The following LRBA variants were observed in gnomAD, a reference collection of about 807,000 sequenced individuals.
LRBA encodes lipopolysaccharide-responsive and beige-like anchor protein.
LRBA carries 176 observed loss-of-function variants against 330.0 expected under a neutral mutation model. That is an observed-to-expected ratio of 0.53 (90% CI 0.47 to 0.60). The LOEUF is 0.60. Ranked by LOEUF, LRBA falls within the 20% of genes least tolerant of loss-of-function variation. LRBA has a pLI of 0.00. For synonymous variants in LRBA, 1,230 were observed against 1,193.0 expected, an observed-to-expected ratio of 1.03 and a Z score of -0.64; for missense variants, 3,259 against 3,444.8, an observed-to-expected ratio of 0.95 and a Z score of 1.35.
chr4:150,494,003 A>C (rs1222905496), intron 40 of LRBA, among the ~76,000 whole-genome samples: 1 of 152,100 alleles, frequency 6.6e-6, no homozygotes, highest in Non-Finnish European at 1.5e-5. Flanking sequence ...AACATCACTC[A>C]AGCCCAGGAA....
At chr4:150,607,264 G>C (rs1481023720) in intron 37 of LRBA, among the ~76,000 whole-genome samples, 1 of 152,162 alleles carries the variant, frequency 6.6e-6, no homozygotes, top group East Asian at 1.9e-4. Context: ...AGGCTTGTAT[G>C]CTACACGGCA....
chr4:150,872,846 C>A (rs542497502), intron 17 of LRBA, 91 bp from the exon 18 acceptor site: 4 of 552,168 alleles, frequency 7.2e-6, no homozygotes, highest in Non-Finnish European at 1.2e-5. Flanking sequence ...TATTATAAAT[C>A]TATTTCAAAT....
At chr4:150,872,584 G>C (rs1242285670) in intron 18 of LRBA, 79 bp downstream of exon 18, 7 of 936,900 alleles carry the variant, frequency 7.5e-6, no homozygotes, top group Non-Finnish European at 1.2e-5. Context: ...GAGGACTATA[G>C]AACAAAATTA....
At chr4:150,559,716 TAG>T (rs1452991169) in intron 40 of LRBA, among the ~76,000 whole-genome samples, 53 of 90,150 alleles carry the variant, frequency 5.9e-4, no homozygotes, top group Non-Finnish European at 9.4e-4. Context: ...TATAATATTA[TAG>T]ATTATATAAT....
At chr4:150,805,536 AAGGGAG>A (rs1486239576) in intron 33 of LRBA, among the ~76,000 whole-genome samples, 2 of 124,596 alleles carry the variant, frequency 1.6e-5, no homozygotes, top group African/African-American at 3.4e-5. Context: ...AAAGGAAAGG[AAGGGAG>A]AAGGAAAGGA....
chr4:150,559,070 A>G (rs1767708252), intron 40 of LRBA, among the ~76,000 whole-genome samples: 2 of 152,210 alleles, frequency 1.3e-5, no homozygotes, highest in South Asian at 4.1e-4. Flanking sequence ...ACATAGTATA[A>G]CAACTAGACG....
chr4:150,622,002 T>C (rs550437819), intron 37 of LRBA, among the ~76,000 whole-genome samples: 6 of 152,260 alleles, frequency 3.9e-5, no homozygotes, highest in Admixed American at 1.3e-4. Flanking sequence ...ATACTAGAGA[T>C]GAAGAAGTAA....
chr4:150,878,398 T>C (rs1032604529), intron 17 of LRBA, among the ~76,000 whole-genome samples: 3 of 151,536 alleles, frequency 2.0e-5, no homozygotes, highest in Non-Finnish European at 4.4e-5. Flanking sequence ...GCTAGAAAGA[T>C]CTAAAATTAA....
At chr4:150,557,320 A>G (rs532205032) in intron 40 of LRBA, among the ~76,000 whole-genome samples, 67 of 152,218 alleles carry the variant, frequency 4.4e-4, no homozygotes, top group Non-Finnish European at 8.7e-4. Flanking sequence ...ATACATGGGG[A>G]ATGCAGAAGT....
intron 37 of LRBA, among the ~76,000 whole-genome samples, chr4:150,606,001 T>C (rs1298727858): frequency 6.6e-6 from 1 of 152,194 alleles, no homozygotes; most frequent in Non-Finnish European, 1.5e-5. Flanking sequence ...TATCATATAT[T>C]TTATTTAATT....
chr4:150,932,202 AAC>A (rs1734577353), intron 2 of LRBA, among the ~76,000 whole-genome samples: 2 of 152,128 alleles, frequency 1.3e-5, no homozygotes, highest in Admixed American at 6.5e-5. Context: ...TGACATATTT[AAC>A]TACATAATAA....
intron 40 of LRBA, among the ~76,000 whole-genome samples, chr4:150,515,681 T>C (rs1208307889): frequency 6.6e-6 from 1 of 152,116 alleles, no homozygotes; most frequent in Non-Finnish European, 1.5e-5. Flanking sequence ...TGAAAATGCA[T>C]TTGAAATATC....
chr4:150,648,177 A>C (rs1004168688), intron 37 of LRBA, among the ~76,000 whole-genome samples: 5 of 131,486 alleles, frequency 3.8e-5, no homozygotes, highest in African/African-American at 1.3e-4. Context: ...AAAAAAAAAA[A>C]CTAGAAAAGA....
In LRBA at chr4:150,583,542, T is replaced by A. The variant is rs772032270; in HGVS notation, c.6330+4506A>T. The stretch of plus-strand genomic sequence containing the variant: ...GGGAGCGCTATGTGGTGCAAATCAC[T>A]CCGGCGTTCAAGTGCACCGGGATCT... On this transcript the variant is annotated intron_variant, in intron 40 of 56. Coordinates refer to ENST00000651943, the MANE Select transcript of LRBA (RefSeq NM_001364905.1). The surrounding 1 kb of genome is among the most constrained non-coding windows in gnomAD (Gnocchi z 9.8). 1 of 1,613,856 alleles carries A rather than the reference T, an allele frequency of 6.2e-7. No individual in the cohort carries two copies. The highest frequency in any genetic ancestry group is 1.3e-5 in the African/African-American group (1 of 75,058).
intron 40 of LRBA, among the ~76,000 whole-genome samples, chr4:150,574,455 T>G (rs975893911): frequency 6.6e-6 from 1 of 152,012 alleles, no homozygotes; most frequent in Non-Finnish European, 1.5e-5. Flanking sequence ...TAGAAAAGAT[T>G]ACCTAGTCCA....
At chr4:150,304,686 T>C (rs921579462) in intron 52 of LRBA, among the ~76,000 whole-genome samples, 5 of 152,018 alleles carry the variant, frequency 3.3e-5, no homozygotes, top group East Asian at 1.9e-4. Context: ...CTAAAAAAAA[T>C]TGAGCAAATT....
intron 53 of LRBA, among the ~76,000 whole-genome samples, chr4:150,292,189 T>C (rs1253770617): frequency 6.6e-6 from 1 of 152,192 alleles, no homozygotes; most frequent in Non-Finnish European, 1.5e-5. Context: ...AAAAGAGGAA[T>C]TTCTCTAGTA....
At chr4:150,567,587 T>C (rs149538912) in intron 40 of LRBA, among the ~76,000 whole-genome samples, 3 of 152,302 alleles carry the variant, frequency 2.0e-5, no homozygotes, top group African/African-American at 7.2e-5. Context: ...ATAGGGATAA[T>C]AATAGAATAT....
chr4:150,444,684 C>T (rs1296887513), intron 44 of LRBA, among the ~76,000 whole-genome samples: 1 of 152,190 alleles, frequency 6.6e-6, no homozygotes, highest in Non-Finnish European at 1.5e-5. Context: ...AGTACCAGAA[C>T]ACTTTTTAAT....
Sources: allele counts gnomAD v4.1 joint callset (sites outside exome capture counted in the v4.1 genomes callset), GRCh38; gene constraint gnomAD v4.1.1; non-coding constraint Gnocchi (gnomAD v3.1); transcripts MANE v1.5; gene names NCBI Gene and HGNC (gene_info 2026-07-23, HGNC 2026-07-21).